HECW2: variants seen among roughly 807,000 people sequenced by gnomAD.
HECW2 encodes HECT, C2 and WW domain containing E3 ubiquitin protein ligase 2.
Under a neutral mutation model 175.2 loss-of-function variants are expected in HECW2, and 61 were observed. That is an observed-to-expected ratio of 0.35 (90% confidence interval 0.28 to 0.43). The LOEUF is 0.43. Ranked by LOEUF, HECW2 falls within the 20% of genes least tolerant of loss-of-function variation. The probability of loss-of-function intolerance (pLI) is 1.00; values close to 1 mark genes in which losing one functional copy is unlikely to be tolerated. For synonymous variants in HECW2, 671 were observed against 731.0 expected (o/e 0.92, Z 1.32); for missense variants, 1,524 against 2,000.5 (o/e 0.76, Z 4.54).
At chr2:196,216,877 A>G (rs1350567639) in intron 27 of HECW2, 131 bp downstream of exon 27, 6 of 608,030 alleles carry the variant, frequency 9.9e-6, no homozygotes, top group Non-Finnish European at 1.6e-5. Context: ...AGGAGTCTGG[A>G]AATGGTGTAT....
chr2:196,210,001 G>C (rs1441972130), intron 28 of HECW2, among the ~76,000 whole-genome samples: 1 of 152,140 alleles, frequency 6.6e-6, no homozygotes, highest in Non-Finnish European at 1.5e-5. Context: ...CTGACCTCGT[G>C]ATCTGCCCAC....
chr2:196,550,425 TAA>T (rs397814678), intron 1 of HECW2, among the ~76,000 whole-genome samples: 1 of 146,900 alleles, frequency 6.8e-6, no homozygotes, highest in East Asian at 2.0e-4. Context: ...ATGAGCTAAG[TAA>T]AAAAAAAAAA....
At chr2:196,456,826 C>A (rs1696532006) in intron 1 of HECW2, among the ~76,000 whole-genome samples, 1 of 152,144 alleles carries the variant, frequency 6.6e-6, no homozygotes, top group South Asian at 2.1e-4. Context: ...ACAAAACTAG[C>A]CCACAGAGCA....
At chr2:196,217,981 T>A (rs1255056062) in intron 26 of HECW2, 1 of 152,340 alleles carries the variant, frequency 6.6e-6, no homozygotes, top group South Asian at 2.1e-4. Flanking sequence ...AATCTCACCT[T>A]ACTGTTTACC....
intron 1 of HECW2, among the ~76,000 whole-genome samples, chr2:196,472,525 T>C (rs1212885498): frequency 6.6e-6 from 1 of 151,702 alleles, no homozygotes; most frequent in Non-Finnish European, 1.5e-5. Context: ...AACTCACTGT[T>C]TAGGACCCAA....
chr2:196,430,048 A>G (rs1695663304), intron 2 of HECW2, among the ~76,000 whole-genome samples: 1 of 152,186 alleles, frequency 6.6e-6, no homozygotes, highest in South Asian at 2.1e-4. Flanking sequence ...CACTCCAGGT[A>G]TCCAGCTAAG....
chr2:196,297,757 A>G (rs899254970), intron 13 of HECW2, among the ~76,000 whole-genome samples: 2 of 152,214 alleles, frequency 1.3e-5, no homozygotes, highest in Non-Finnish European at 2.9e-5. Flanking sequence ...TTCACAAGGG[A>G]GCAGATTTGA....
intron 28 of HECW2, among the ~76,000 whole-genome samples, chr2:196,203,231 T>C (rs959381340): frequency 6.6e-6 from 1 of 152,194 alleles, no homozygotes; most frequent in Non-Finnish European, 1.5e-5. Flanking sequence ...ATCTAATGAA[T>C]CTTTGCAGGC....
chr2:196,494,834 A>C (rs1178745762), intron 1 of HECW2, among the ~76,000 whole-genome samples: 1 of 152,180 alleles, frequency 6.6e-6, no homozygotes, highest in Non-Finnish European at 1.5e-5. Flanking sequence ...GCATTTGATG[A>C]GGCTGCTGTA....
In HECW2 at chr2:196,423,684, T is replaced by TTGTGTGTGTGTGTGTGTGTGTGTG. The variant is rs60030164; in HGVS notation, c.292+9424_292+9447dup. On this transcript the variant is annotated intron_variant, in intron 2 of 28. Coordinates refer to ENST00000644978, the MANE Select transcript of HECW2 (RefSeq NM_001348768.2). ...TTTTTAATGAATGTATAGTATTCCA[T>TTGTGTGTGTGTGTGTGTGTGTGTG]TGTGTGTGTGTGTGTGTGTGTGTGT... 3.6e-3 allele frequency among the ~76,000 whole-genome samples: 505 copies of TTGTGTGTGTGTGTGTGTGTGTGTG among 140,016 alleles called. 4 individuals are homozygous for TTGTGTGTGTGTGTGTGTGTGTGTG. Among genetic ancestry groups the TTGTGTGTGTGTGTGTGTGTGTGTG allele is most frequent in the Middle Eastern group, 0.017 (5 of 286 alleles). The allele number at this position is 140,016 out of a possible 152,430, so 91.9% of individuals were successfully genotyped here. A position where few individuals can be genotyped will look rare whatever the true frequency, so the allele number is the denominator to read the frequency against.
chr2:196,333,657 A>C (rs1334436606), intron 4 of HECW2, among the ~76,000 whole-genome samples: 1 of 152,190 alleles, frequency 6.6e-6, no homozygotes, highest in East Asian at 1.9e-4. Flanking sequence ...AATCTCCCCA[A>C]ACCATCTGAG....
At chr2:196,365,303 T>C (rs527909194) in intron 2 of HECW2, among the ~76,000 whole-genome samples, 2 of 152,342 alleles carry the variant, frequency 1.3e-5, no homozygotes, top group Admixed American at 6.5e-5. Flanking sequence ...ATCTTTATGC[T>C]GGTACTAAAA....
chr2:196,574,160 C>T (rs760662986), intron 1 of HECW2, among the ~76,000 whole-genome samples: 5 of 152,054 alleles, frequency 3.3e-5, no homozygotes, highest in South Asian at 2.1e-4. Flanking sequence ...CTAGGCATGG[C>T]GGCTCACGTC....
At chr2:196,587,960 G>A (rs1691047421) in intron 1 of HECW2, among the ~76,000 whole-genome samples, 2 of 151,868 alleles carry the variant, frequency 1.3e-5, no homozygotes, top group Non-Finnish European at 2.9e-5. Context: ...CTTTTCTCAG[G>A]GCCTTTGCAC....
chr2:196,321,676 A>G (rs1691948250), intron 7 of HECW2, among the ~76,000 whole-genome samples: 1 of 152,190 alleles, frequency 6.6e-6, no homozygotes, highest in Non-Finnish European at 1.5e-5. Flanking sequence ...CTGGGATTAC[A>G]GGAATGAGCT....
At position 196,201,196 on chromosome 2, in the gene HECW2, AAACTTCC is replaced by A; in HGVS notation, c.*74_*80del. ...TTATCCTAAAGGAAGCATCCTCTTG[AAACTTCC>A]AATGTTCAATCATTCTTCTAGAAGG... On this transcript the variant is annotated 3_prime_UTR_variant, in exon 29 of 29. Coordinates refer to ENST00000644978, the MANE Select transcript of HECW2 (RefSeq NM_001348768.2). 3 of 927,026 alleles carry A rather than the reference AAACTTCC, an allele frequency of 3.2e-6. No individual in the cohort carries two copies. The highest frequency in any genetic ancestry group is 5.4e-6 in the Non-Finnish European group (3 of 556,818). The allele number at this position is 927,026 out of a possible 1,614,324, so 57.4% of individuals were successfully genotyped here. A position where few individuals can be genotyped will look rare whatever the true frequency, so the allele number is the denominator to read the frequency against.
chr2:196,493,735 T>C (rs570143400), intron 1 of HECW2, among the ~76,000 whole-genome samples: 3 of 152,248 alleles, frequency 2.0e-5, no homozygotes, highest in East Asian at 1.9e-4. Context: ...AAAAAGCAAA[T>C]TTGGGGCTGT....
chr2:196,284,466 C>A (rs961301481), intron 14 of HECW2, among the ~76,000 whole-genome samples: 2 of 152,238 alleles, frequency 1.3e-5, no homozygotes, highest in East Asian at 1.9e-4. Context: ...TTCTAAGGAG[C>A]AATCCCTTGG....
chr2:196,577,459 G>A (rs1264227811), intron 1 of HECW2, among the ~76,000 whole-genome samples: 1 of 152,034 alleles, frequency 6.6e-6, no homozygotes, highest in Non-Finnish European at 1.5e-5. Context: ...ACCTGATGTT[G>A]GGGGAAAGAC....
Sources: allele counts gnomAD v4.1 joint callset (sites outside exome capture counted in the v4.1 genomes callset), GRCh38; gene constraint gnomAD v4.1.1; transcripts MANE v1.5; gene names NCBI Gene and HGNC (gene_info 2026-07-23, HGNC 2026-07-21).